The following NIPSNAP2 variants were observed in gnomAD, a reference collection of about 807,000 sequenced individuals.
The protein encoded by NIPSNAP2 is nipsnap homolog 2, also known as protein NipSnap homolog 2.
NIPSNAP2 carries 42 observed loss-of-function variants against 48.4 expected under a neutral mutation model. The ratio of observed to expected loss-of-function variants is 0.87; its 90% CI spans 0.68 to 1.12. The LOEUF (loss-of-function observed/expected upper bound fraction) is 1.12, where lower values mean the gene tolerates loss of function less well. NIPSNAP2 is among the 50% of genes most tolerant of loss of function. NIPSNAP2 has a pLI of 0.00. For synonymous variants in NIPSNAP2, 158 were observed against 126.6 expected, an observed-to-expected ratio of 1.25 and a Z score of -1.67; for missense variants, 314 against 347.3, an observed-to-expected ratio of 0.90 and a Z score of 0.76.
rs146309360 is a variant in NIPSNAP2, at chr7:55,999,143, G to T, written c.*71G>T. 293 of 1,308,940 alleles carry T rather than the reference G, an allele frequency of 2.2e-4. 1 individual carries two copies. In the African/African-American group the frequency reaches 4.1e-3, roughly 18 times the overall value. 81.1% of individuals were successfully genotyped at this position (1,308,940 alleles called of 1,614,324 possible). A position where few individuals can be genotyped will look rare whatever the true frequency, so the allele number is the denominator to read the frequency against. On this transcript the variant is annotated 3_prime_UTR_variant, in exon 10 of 10. Coordinates refer to ENST00000322090, the MANE Select transcript of NIPSNAP2 (RefSeq NM_001483.3). ...TTTGTCGTAAATTAATTTTAATTGT[G>T]TATCAAGTGAAAAAGAAACACTGAG...
chr7:55,977,888 AAC>A (rs1787133640), intron 1 of NIPSNAP2, among the ~76,000 whole-genome samples: 1 of 152,102 alleles, frequency 6.6e-6, no homozygotes, highest in African/African-American at 2.4e-5. Context: ...TGCTTTGAAA[AAC>A]ACATAGTGCA....
intron 1 of NIPSNAP2, among the ~76,000 whole-genome samples, chr7:55,968,047 C>T (rs1348829981): frequency 6.6e-6 from 1 of 152,130 alleles, no homozygotes. Context: ...CCCTCCGCCT[C>T]CCAAAGTTCT....
At chr7:55,984,915 G>A in intron 7 of NIPSNAP2, 37 bp downstream of exon 7, 1 of 1,544,086 alleles carries the variant, frequency 6.5e-7, no homozygotes, top group African/African-American at 1.4e-5. Context: ...TTTAAGTCTT[G>A]TGAATAGATT....
At chr7:55,991,363 A>T (rs534831314) in intron 7 of NIPSNAP2, among the ~76,000 whole-genome samples, 3 of 152,132 alleles carry the variant, frequency 2.0e-5, no homozygotes, top group Non-Finnish European at 4.4e-5. Context: ...ACGGAATAGG[A>T]TTACTCACTA....
rs763497214 is a variant in NIPSNAP2, at chr7:55,984,121, CCTAA to C, written c.585+254_585+257del. On this transcript the variant is annotated intron_variant, in intron 6 of 9. Coordinates refer to ENST00000322090, the MANE Select transcript of NIPSNAP2 (RefSeq NM_001483.3). ...ACATATTTGTTTTTAAGAAGAAAGA[CCTAA>C]AGTGCAGGATAAGGTACAATATGTA... 4.0e-5 allele frequency among the ~76,000 whole-genome samples: 6 copies of C among 151,846 alleles called. No homozygotes were observed. In the South Asian group the frequency reaches 8.3e-4, roughly 21 times the overall value.
chr7:55,976,730 T>G (rs1424936252), intron 1 of NIPSNAP2, among the ~76,000 whole-genome samples: 5 of 151,850 alleles, frequency 3.3e-5, no homozygotes, highest in Admixed American at 2.6e-4. Flanking sequence ...TACAAAAAAT[T>G]TAAAAAAATT....
At position 55,978,270 on chromosome 7, in the gene NIPSNAP2, G is replaced by A. The variant is rs1787142178; in HGVS notation, c.232+5G>A. On this transcript the variant is annotated splice_donor_5th_base_variant and intron_variant, in intron 2 of 9. Coordinates refer to ENST00000322090, the MANE Select transcript of NIPSNAP2 (RefSeq NM_001483.3). ...GCAATCTATACAAATTACAGTGTGA[G>A]TGACAGGTTTGCTATCTTCATAGTT... 6.2e-7 allele frequency: 1 copy of A among 1,613,942 alleles called. No individual in the cohort carries two copies. The highest frequency in any genetic ancestry group is 1.3e-5 in the African/African-American group (1 of 74,924).
intron 3 of NIPSNAP2, chr7:55,980,191 G>T (rs1338385065): frequency 5.2e-6 from 1 of 192,282 alleles, no homozygotes; most frequent in Admixed American, 5.3e-5. Context: ...CATGAGTCAC[G>T]CATCAGATAC....
rs768965920 is a variant in NIPSNAP2, at chr7:55,978,201, A to G, written c.168A>G (p.Pro56=). 6.1e-5 allele frequency: 99 copies of G among 1,614,204 alleles called. No individual in the cohort carries two copies. In the Middle Eastern group the frequency reaches 6.6e-4, roughly 11 times the overall value. Reference sequence around the variant, plus strand: ...CCTTATTTGTCCGGAAAGTTGATCCAAGAAAAGATGCCCACTCCAATCTCC... The same window carrying G: ...CCTTATTTGTCCGGAAAGTTGATCCGAGAAAAGATGCCCACTCCAATCTCC... ...LKSLFVRKVD[P]RKDAHSNLLA... The change falls in exon 2 of 10, where the codon CCA becomes CCG. Residue 56 remains proline, a synonymous_variant. Transcript: ENST00000322090.
Position 55,999,040 on chromosome 7 carries a change from A to G in NIPSNAP2, c.829A>G (p.Met277Val), listed in dbSNP as rs1328308300. The G allele has an allele frequency of 6.2e-7, 1 of 1,614,102 alleles. No homozygotes were observed. Among genetic ancestry groups the G allele is most frequent in the Non-Finnish European group, 8.5e-7 (1 of 1,179,974 alleles). ...TATTCAGGAAATGGAATCCAGAATC[A>G]TGATCCCACTGAAGACCTCGCCCCT... ...PLIQEMESRI[M>V]IPLKTSPLQ Residue 277 changes from methionine (M) to valine (V), a missense_variant, in exon 10 of 10, where the codon ATG (methionine) becomes GTG (valine). Physicochemically the swap from Met to Val is conservative, Grantham distance 21 (BLOSUM62 1). This residue lies in a region of NIPSNAP2 where 116 missense variants were observed against 161.8 expected (regional missense o/e 0.72). Transcript: ENST00000322090.
At chr7:55,982,095 C>T in intron 4 of NIPSNAP2, 115 bp from the exon 5 acceptor site, 1 of 603,882 alleles carries the variant, frequency 1.7e-6, no homozygotes, top group East Asian at 3.1e-5. Context: ...GCATGAGCCA[C>T]CACACACCCA....
intron 1 of NIPSNAP2, among the ~76,000 whole-genome samples, chr7:55,976,773 A>G (rs890050973): frequency 6.6e-6 from 1 of 152,134 alleles, no homozygotes; most frequent in Non-Finnish European, 1.5e-5. Context: ...CTCTAGTCCC[A>G]GCTTCTCAGG....
At chr7:55,983,078 A>G (rs751605456) in intron 5 of NIPSNAP2, among the ~76,000 whole-genome samples, 2 of 151,872 alleles carry the variant, frequency 1.3e-5, no homozygotes, top group African/African-American at 4.9e-5. Flanking sequence ...TGCCGAGACT[A>G]CACCGCTGCA....
At chr7:55,982,476 C>A (rs977697247) in intron 5 of NIPSNAP2, among the ~76,000 whole-genome samples, 196 bp downstream of exon 5, 1 of 152,100 alleles carries the variant, frequency 6.6e-6, no homozygotes, top group Non-Finnish European at 1.5e-5. Context: ...TGACCGGGCG[C>A]GGTGGCTCAC....
chr7:55,977,005 T>C (rs766072488), intron 1 of NIPSNAP2, among the ~76,000 whole-genome samples: 10 of 152,268 alleles, frequency 6.6e-5, no homozygotes, highest in Non-Finnish European at 1.5e-4. Flanking sequence ...AGATGAAAAT[T>C]AGCAAATTAT....
chr7:55,983,905 C>CT, intron 6 of NIPSNAP2, 37 bp downstream of exon 6: 1 of 1,593,186 alleles, frequency 6.3e-7, no homozygotes, highest in Non-Finnish European at 8.6e-7. Flanking sequence ...TTTTACTCCT[C>CT]TGTGAAAAAG....
chr7:55,997,204 T>TA (rs1787579461), intron 8 of NIPSNAP2, among the ~76,000 whole-genome samples, 162 bp from the exon 9 acceptor site: 1 of 150,850 alleles, frequency 6.6e-6, no homozygotes, highest in South Asian at 2.1e-4. Flanking sequence ...CCACGTGGCC[T>TA]AATATAATTT....
rs1408561987 is a variant in NIPSNAP2 at position 55,990,769 on chromosome 7, A to G, written c.618-4125A>G. ...TTGCCTTTTTTTTTAACTTCAACTTATATCTTTTCTTTTTTCTTTTTCTTT... is the reference window on the plus strand; with the variant it reads ...TTGCCTTTTTTTTTAACTTCAACTTGTATCTTTTCTTTTTTCTTTTTCTTT... On this transcript the variant is annotated intron_variant, in intron 7 of 9. Transcript: ENST00000322090. Among the ~76,000 whole-genome samples the G allele has an allele frequency of 2.7e-5, 4 of 149,566 alleles. No individual in the cohort carries two copies. In the South Asian group the frequency reaches 8.6e-4, roughly 32 times the overall value.
rs191812918 is a variant in NIPSNAP2 at position 55,983,656 on chromosome 7, C to G, written c.445-72C>G. ...ACCCTATTATAGTATTCTGTAGGAA[C>G]ATCAATGTTACTGAAATGGGCTTAT... is the stretch of plus-strand genomic sequence containing the variant. On this transcript the variant is annotated intron_variant, in intron 5 of 9. Transcript: ENST00000322090. The G allele has an allele frequency of 1.8e-4, 273 of 1,496,036 alleles. 1 individual carries two copies. The highest frequency in any genetic ancestry group is 1.7e-3 in the Admixed American group (99 of 57,986). The allele number at this position is 1,496,036 out of a possible 1,614,324, so 92.7% of individuals were successfully genotyped here. A position where few individuals can be genotyped will look rare whatever the true frequency, so the allele number is the denominator to read the frequency against.
Sources: allele counts gnomAD v4.1 joint callset (sites outside exome capture counted in the v4.1 genomes callset), GRCh38; gene constraint gnomAD v4.1.1; regional missense constraint gnomAD v4.1.1; transcripts MANE v1.5; gene names NCBI Gene and HGNC (gene_info 2026-07-23, HGNC 2026-07-21).